Variants in MANBAL observed in about 807,000 individuals in gnomAD.
MANBAL encodes the protein protein MANBAL.
In MANBAL, 1 loss-of-function variant was observed where a neutral mutation model predicts 6.4. The observed-to-expected ratio is 0.16, with a 90% CI of 0.06 to 0.74. MANBAL has a LOEUF of 0.74. Ranked by LOEUF, MANBAL falls within the 30% of genes least tolerant of loss-of-function variation. MANBAL has a pLI of 0.78. For missense variants in MANBAL, 100 were observed against 107.8 expected (o/e 0.93, Z 0.32); for synonymous variants, 47 against 45.8 (o/e 1.03, Z -0.10).
At chr20:37,304,386 A>T (rs939014625) in intron 2 of MANBAL, among the ~76,000 whole-genome samples, 26 of 152,300 alleles carry the variant, frequency 1.7e-4, no homozygotes, top group African/African-American at 6.3e-4. Context: ...AGTTTCCTTT[A>T]ATCTCATTCT....
rs761402284 is a variant in MANBAL, at chr20:37,301,329, A to T, written c.66A>T (p.Leu22=). 6.2e-7 allele frequency: 1 copy of T among 1,613,452 alleles called. No homozygotes were observed. The highest frequency in any genetic ancestry group is 2.2e-5 in the East Asian group (1 of 44,864). ...AGCCCACTTTCCTGGAGAACCTGCT[A>T]CGGTACGGACTCTTCCTGGGAGCCA... ...VPEPTFLENL[L]RYGLFLGAIF... Residue 22 remains leucine, a synonymous_variant, in exon 2 of 3, where the codon CTA becomes CTT. Coordinates refer to ENST00000373606, the MANE Select transcript of MANBAL (RefSeq NM_001003897.2).
intron 1 of MANBAL, chr20:37,298,868 C>G (rs1419490155): frequency 1.3e-5 from 2 of 152,012 alleles, no homozygotes; most frequent in Non-Finnish European, 2.9e-5. Flanking sequence ...TTCTGAGTAG[C>G]TGGGACTACA....
intron 2 of MANBAL, among the ~76,000 whole-genome samples, chr20:37,313,773 C>G (rs1186722481): frequency 6.6e-6 from 1 of 152,086 alleles, no homozygotes; most frequent in Admixed American, 6.5e-5. Context: ...GGGGCTGCCC[C>G]CAGCTGGAAG....
At chr20:37,300,474 G>T (rs1004396821) in intron 1 of MANBAL, among the ~76,000 whole-genome samples, 8 of 152,112 alleles carry the variant, frequency 5.3e-5, no homozygotes, top group Non-Finnish European at 7.3e-5. Context: ...ACATCTCGAC[G>T]TGTTCATTGT....
chr20:37,294,138 T>C (rs1018242689), intron 1 of MANBAL, among the ~76,000 whole-genome samples: 1 of 152,266 alleles, frequency 6.6e-6, no homozygotes, highest in African/African-American at 2.4e-5. Context: ...CTCTTTGTGC[T>C]GTCAAGATTT....
intron 1 of MANBAL, among the ~76,000 whole-genome samples, chr20:37,290,206 A>ATTCT (rs2068834216): frequency 6.6e-6 from 1 of 152,240 alleles, no homozygotes; most frequent in Non-Finnish European, 1.5e-5. Flanking sequence ...AGAAGCGAGA[A>ATTCT]ATGAATATGA....
chr20:37,310,918 G>A (rs2069371276), intron 2 of MANBAL, among the ~76,000 whole-genome samples: 1 of 152,214 alleles, frequency 6.6e-6, no homozygotes, highest in Non-Finnish European at 1.5e-5. Flanking sequence ...TACATTTGAG[G>A]AGAAATGAAA....
chr20:37,297,719 T>C (rs1237226210), intron 1 of MANBAL, among the ~76,000 whole-genome samples: 1 of 151,766 alleles, frequency 6.6e-6, no homozygotes, highest in Admixed American at 6.6e-5. Context: ...CTCGGCCCAC[T>C]GCAACCTCCG....
chr20:37,305,998 A>G (rs768828384), intron 2 of MANBAL, among the ~76,000 whole-genome samples: 2 of 152,104 alleles, frequency 1.3e-5, no homozygotes, highest in Non-Finnish European at 2.9e-5. Flanking sequence ...GGGTTTTAAC[A>G]TGGGGACGGG....
chr20:37,309,520 G>C (rs973280273), intron 2 of MANBAL, among the ~76,000 whole-genome samples: 1 of 152,212 alleles, frequency 6.6e-6, no homozygotes, highest in Admixed American at 6.5e-5. Context: ...CCAGCATTGC[G>C]ATCTAGTGGA....
chr20:37,308,064 C>T lies in MANBAL; in HGVS notation c.150+6651C>T, dbSNP rs1197200700. Among the ~76,000 whole-genome samples the T allele has an allele frequency of 1.3e-5, 2 of 152,156 alleles. 1 individual carries two copies. Among genetic ancestry groups the T allele is most frequent in the South Asian group, 4.1e-4 (2 of 4,832 alleles). ...TGTCTTTTGCTTTTCTAACTAGGAC[C>T]CTGCTTCTCTGCTTGCTGGCCCTGT... is the stretch of plus-strand genomic sequence containing the variant. On this transcript the variant is annotated intron_variant, in intron 2 of 2. Coordinates refer to ENST00000373606, the MANE Select transcript of MANBAL (RefSeq NM_001003897.2).
intron 1 of MANBAL, among the ~76,000 whole-genome samples, chr20:37,293,020 C>T (rs6074003): frequency 0.013 from 2,033 of 152,296 alleles, 20 homozygotes; most frequent in Non-Finnish European, 0.021. Context: ...CCTGTATCTA[C>T]GTTCAGCTAA....
chr20:37,305,982 A>C (rs895871482), intron 2 of MANBAL, among the ~76,000 whole-genome samples: 1 of 152,136 alleles, frequency 6.6e-6, no homozygotes, highest in Non-Finnish European at 1.5e-5. Context: ...TGGAGGGGAA[A>C]GAAGGGGGTT....
chr20:37,313,361 A>G (rs2069431241), intron 2 of MANBAL, among the ~76,000 whole-genome samples: 1 of 148,810 alleles, frequency 6.7e-6, no homozygotes, highest in African/African-American at 2.5e-5. Context: ...ACAGAGCGAG[A>G]CTCCGTCTCA....
chr20:37,311,472 ATTTG>A (rs745734426), intron 2 of MANBAL, among the ~76,000 whole-genome samples: 22 of 151,934 alleles, frequency 1.4e-4, no homozygotes, highest in South Asian at 6.2e-4. Flanking sequence ...TGTTTTTTTT[ATTTG>A]TTTGTTTGTT....
chr20:37,316,465 G>T lies in MANBAL; in HGVS notation c.*50G>T. On this transcript the variant is annotated 3_prime_UTR_variant, in exon 3 of 3. Transcript: ENST00000373606. Reference sequence around the variant, plus strand: ...GGGCAGGGAGAGGGTCTTGGGGACAGCCCTCCTGGGAATCTACATTGTGTT... The same window carrying T: ...GGGCAGGGAGAGGGTCTTGGGGACATCCCTCCTGGGAATCTACATTGTGTT... 1 of 1,510,102 alleles carries T rather than the reference G, an allele frequency of 6.6e-7. No individual in the cohort carries two copies. Among genetic ancestry groups the T allele is most frequent in the Non-Finnish European group, 9.1e-7 (1 of 1,099,848 alleles). 93.5% of individuals were successfully genotyped at this position (1,510,102 alleles called of 1,614,324 possible).
At chr20:37,290,362 G>C (rs1402452670) in intron 1 of MANBAL, among the ~76,000 whole-genome samples, 1 of 152,022 alleles carries the variant, frequency 6.6e-6, no homozygotes, top group Non-Finnish European at 1.5e-5. Context: ...AGTTTTGCGT[G>C]GTTCTTAGGA....
intron 1 of MANBAL, among the ~76,000 whole-genome samples, chr20:37,290,182 G>T (rs1028003164): frequency 3.3e-5 from 5 of 152,216 alleles, no homozygotes; most frequent in South Asian, 2.1e-4. Context: ...CATGTTTGTT[G>T]TACGAATTCT....
At chr20:37,295,696 C>T (rs1004669239) in intron 1 of MANBAL, among the ~76,000 whole-genome samples, 3 of 152,180 alleles carry the variant, frequency 2.0e-5, no homozygotes, top group African/African-American at 7.2e-5. Flanking sequence ...CCTTGGTTTC[C>T]TCATCCTCAT....
Sources: allele counts gnomAD v4.1 joint callset (sites outside exome capture counted in the v4.1 genomes callset), GRCh38; gene constraint gnomAD v4.1.1; transcripts MANE v1.5; gene names NCBI Gene and HGNC (gene_info 2026-07-23, HGNC 2026-07-21).